KCNAB1: variants seen among roughly 807,000 people sequenced by gnomAD.
KCNAB1 encodes potassium voltage-gated channel subfamily A regulatory beta subunit 1, also known as voltage-gated potassium channel subunit beta-1.
Under a neutral mutation model 64.6 loss-of-function variants are expected in KCNAB1, and 35 were observed. The observed-to-expected ratio is 0.54, with a 90% CI of 0.41 to 0.72. The LOEUF (loss-of-function observed/expected upper bound fraction) is 0.72. KCNAB1 is among the 30% of genes least tolerant of loss of function. The pLI is 0.00. For synonymous variants in KCNAB1, 177 were observed against 183.8 expected (o/e 0.96, Z 0.30); for missense variants, 401 against 512.9 (o/e 0.78, Z 2.11).
intron 1 of KCNAB1, among the ~76,000 whole-genome samples, chr3:156,191,836 A>G (rs1445570398): frequency 6.6e-6 from 1 of 152,206 alleles, no homozygotes; most frequent in Non-Finnish European, 1.5e-5. Flanking sequence ...AGATAGCCAA[A>G]GGCACAATCC....
At chr3:156,451,923 A>C (rs1712036847) in intron 2 of KCNAB1, among the ~76,000 whole-genome samples, 1 of 151,906 alleles carries the variant, frequency 6.6e-6, no homozygotes, top group Non-Finnish European at 1.5e-5. Flanking sequence ...CCACCCTCCA[A>C]TCTAAATAGA....
intron 1 of KCNAB1, among the ~76,000 whole-genome samples, chr3:156,318,329 A>G (rs540650416): frequency 1.1e-4 from 16 of 152,340 alleles, no homozygotes; most frequent in Admixed American, 9.8e-4. Context: ...CTGAGGGGTC[A>G]TCACAAACTC....
At chr3:156,398,412 G>A (rs979157342) in intron 1 of KCNAB1, among the ~76,000 whole-genome samples, 9 of 152,006 alleles carry the variant, frequency 5.9e-5, no homozygotes, top group Admixed American at 5.2e-4. Context: ...CTAACATGGC[G>A]AAACCCGGTC....
At chr3:156,511,394 T>C (rs545048268) in intron 8 of KCNAB1, among the ~76,000 whole-genome samples, 4 of 152,216 alleles carry the variant, frequency 2.6e-5, no homozygotes, top group Middle Eastern at 3.4e-3. Context: ...TGAGCCACCG[T>C]GCCCCGCCCG....
intron 1 of KCNAB1, among the ~76,000 whole-genome samples, chr3:156,202,456 C>T (rs973453791): frequency 6.6e-6 from 1 of 152,210 alleles, no homozygotes; most frequent in African/African-American, 2.4e-5. Context: ...CTCTAACGAT[C>T]TGCTAGGAGT....
intron 1 of KCNAB1, among the ~76,000 whole-genome samples, chr3:156,124,215 C>CTTTTTTTTTTTTTTTT (rs545733860): frequency 7.0e-6 from 1 of 142,982 alleles, no homozygotes; most frequent in African/African-American, 2.6e-5. Flanking sequence ...TATTTCTTTT[C>CTTTTTTTTTTTTTTTT]TTTTTTTTTT....
At chr3:156,233,134 A>T (rs1336935156) in intron 1 of KCNAB1, among the ~76,000 whole-genome samples, 1 of 152,238 alleles carries the variant, frequency 6.6e-6, no homozygotes, top group East Asian at 1.9e-4. Flanking sequence ...AAGGGGAATG[A>T]ATAAAACAGA....
intron 1 of KCNAB1, among the ~76,000 whole-genome samples, chr3:156,187,766 A>C (rs1713295884): frequency 6.6e-6 from 1 of 152,236 alleles, no homozygotes; most frequent in South Asian, 2.1e-4. Flanking sequence ...TGGTGAAGCC[A>C]GTGATTTCAA....
chr3:156,281,337 C>T (rs1241287880), intron 1 of KCNAB1, among the ~76,000 whole-genome samples: 1 of 152,020 alleles, frequency 6.6e-6, no homozygotes, highest in African/African-American at 2.4e-5. Flanking sequence ...GGTGGATAAG[C>T]TTTTTGATGT....
chr3:156,531,506 T>C lies in KCNAB1; in HGVS notation c.1170+9T>C, dbSNP rs1426430172. On this transcript the variant is annotated intron_variant, in intron 13 of 13. Transcript: ENST00000490337. Reference sequence around the variant, plus strand: ...ACCTTGGTGCCATTCAGGCAAGTACTGCAGCCCCTTCCAACATCAGGGAAT... The same window carrying C: ...ACCTTGGTGCCATTCAGGCAAGTACCGCAGCCCCTTCCAACATCAGGGAAT... 6.3e-6 allele frequency: 10 copies of C among 1,591,228 alleles called. No individual in the cohort carries two copies. The highest frequency in any genetic ancestry group is 8.6e-6 in the Non-Finnish European group (10 of 1,159,130).
chr3:156,516,375 C>G lies in KCNAB1; in HGVS notation c.960+11C>G. 6.3e-7 allele frequency: 1 copy of G among 1,589,200 alleles called. No individual in the cohort carries two copies. Among genetic ancestry groups the G allele is most frequent in the Non-Finnish European group, 8.6e-7 (1 of 1,157,364 alleles). On this transcript the variant is annotated intron_variant, in intron 11 of 13. Transcript: ENST00000490337. ...AGGGCTTCACTGAAGGTATTTTTCT[C>G]AATGTCTAGAAAAAAGCCTGGGAGT...
intron 1 of KCNAB1, among the ~76,000 whole-genome samples, chr3:156,261,669 A>T (rs1451712067): frequency 6.6e-6 from 1 of 151,988 alleles, no homozygotes; most frequent in Non-Finnish European, 1.5e-5. Flanking sequence ...TTAAAATTAG[A>T]TCATGTAAGT....
chr3:156,404,826 G>A (rs1474312953), intron 1 of KCNAB1, among the ~76,000 whole-genome samples: 2 of 152,190 alleles, frequency 1.3e-5, no homozygotes, highest in African/African-American at 4.8e-5. Context: ...TAGGAAGGAA[G>A]GAGCAGAGGG....
At chr3:156,440,274 C>T (rs546869152) in intron 2 of KCNAB1, among the ~76,000 whole-genome samples, 1 of 152,256 alleles carries the variant, frequency 6.6e-6, no homozygotes, top group East Asian at 1.9e-4. Flanking sequence ...CTCTAGTTAC[C>T]TAAATTTCTG....
chr3:156,421,862 T>C (rs1420505509), intron 2 of KCNAB1, among the ~76,000 whole-genome samples: 1 of 152,106 alleles, frequency 6.6e-6, no homozygotes, highest in East Asian at 1.9e-4. Flanking sequence ...TGATTCCTTA[T>C]AGGGGCCCGT....
At chr3:156,505,116 T>G (rs1716748823) in intron 8 of KCNAB1, among the ~76,000 whole-genome samples, 2 of 152,198 alleles carry the variant, frequency 1.3e-5, no homozygotes, top group African/African-American at 4.8e-5. Flanking sequence ...TAGTTTCATT[T>G]TTCTGCACAT....
chr3:156,394,393 T>A (rs558789869), intron 1 of KCNAB1, among the ~76,000 whole-genome samples: 19 of 152,282 alleles, frequency 1.2e-4, no homozygotes, highest in African/African-American at 4.1e-4. Flanking sequence ...GTGGGGGAAG[T>A]TGGGCTAAGA....
chr3:156,352,293 A>G (rs1724912138), intron 1 of KCNAB1, among the ~76,000 whole-genome samples: 1 of 152,200 alleles, frequency 6.6e-6, no homozygotes, highest in Non-Finnish European at 1.5e-5. Flanking sequence ...TGTTATCTAC[A>G]GGCAGGGAGG....
chr3:156,465,803 A>G (rs772927319), intron 7 of KCNAB1, 117 bp downstream of exon 7: 44 of 800,640 alleles, frequency 5.5e-5, no homozygotes, highest in Non-Finnish European at 8.3e-5. Flanking sequence ...GAAAAGTGCC[A>G]CAATCAACCA....
Sources: allele counts gnomAD v4.1 joint callset (sites outside exome capture counted in the v4.1 genomes callset), GRCh38; gene constraint gnomAD v4.1.1; transcripts MANE v1.5; gene names NCBI Gene and HGNC (gene_info 2026-07-23, HGNC 2026-07-21).